Variants in ATP11C observed in about 807,000 individuals in gnomAD.
The protein encoded by ATP11C is ATPase phospholipid transporting 11C (ATP11C blood group).
Under a neutral mutation model 97.4 loss-of-function variants are expected in ATP11C, and 36 were observed. The ratio of observed to expected loss-of-function variants is 0.37; its 90% CI spans 0.28 to 0.49. The LOEUF (loss-of-function observed/expected upper bound fraction) is 0.49, where lower values mean the gene tolerates loss of function less well. Among genes scored for constraint, ATP11C ranks in the 20% least tolerant of loss-of-function variants. The probability of loss-of-function intolerance (pLI) is 0.98; values close to 1 mark genes in which losing one functional copy is unlikely to be tolerated. For missense variants in ATP11C, 730 were observed against 824.6 expected (o/e 0.89, Z 1.40); for synonymous variants, 275 against 290.9 (o/e 0.95, Z 0.56).
At chrX:139,874,832 G>A (rs2084442287) in intron 1 of ATP11C, among the ~76,000 whole-genome samples, 1 of 112,065 alleles carries the variant, frequency 8.9e-6, no homozygotes, top group South Asian at 3.7e-4. Flanking sequence ...TAAAATGAAT[G>A]AAATCTGCTC....
chrX:139,835,549 C>T (rs1044810907), intron 1 of ATP11C, among the ~76,000 whole-genome samples: 4 of 109,258 alleles, frequency 3.7e-5, no homozygotes, highest in African/African-American at 1.0e-4. Flanking sequence ...GGATTACAGG[C>T]GCCCACTACC....
intron 1 of ATP11C, among the ~76,000 whole-genome samples, chrX:139,852,471 G>C (rs866261580): frequency 1.6e-4 from 4 of 24,614 alleles, no homozygotes; most frequent in South Asian, 4.2e-3. Context: ...GGGGGGGGGG[G>C]GGGGGGGGGG....
rs140676415 is a variant in ATP11C, at chrX:139,888,075, A to T, written c.27+43941T>A. ...ACTGGGAAAAACATTTGCAAAACAC[A>T]TATCTGATAAAGGACCAGTAGCCAG... is the stretch of plus-strand genomic sequence containing the variant. On this transcript the variant is annotated intron_variant, in intron 1 of 29. Transcript: ENST00000682941. Among the ~76,000 whole-genome samples the T allele has an allele frequency of 5.6e-3, 623 of 111,227 alleles. 12 individuals carry two copies. The highest frequency in any genetic ancestry group is 0.019 in the African/African-American group (573 of 30,638).
chrX:139,798,625 T>C, intron 9 of ATP11C, 54 bp downstream of exon 9: 1 of 968,683 alleles, frequency 1.0e-6, no homozygotes, highest in South Asian at 2.1e-5. Flanking sequence ...CACTATTTAT[T>C]CACAGCCTTT....
Position 139,819,335 on chromosome X carries a change from T to C in ATP11C, c.237+3A>G. ...GTTAAGTGGCTGTTTAAGGAGCTCT[T>C]ACCTGTACAAGGAAGATTATGAGAA... On this transcript the variant is annotated splice_donor_region_variant and intron_variant, in intron 3 of 29. Transcript: ENST00000682941. 4.0e-6 allele frequency: 4 copies of C among 1,010,766 alleles called. No homozygotes were observed. The highest frequency in any genetic ancestry group is 5.3e-6 in the Non-Finnish European group (4 of 751,409). 83.3% of individuals were successfully genotyped at this position (1,010,766 alleles called of 1,213,427 possible).
chrX:139,916,395 G>C (rs961176283), intron 1 of ATP11C, among the ~76,000 whole-genome samples: 1 of 111,459 alleles, frequency 9.0e-6, no homozygotes, highest in African/African-American at 3.3e-5. Context: ...TGAGGCATTA[G>C]GGATATAGCA....
At chrX:139,858,920 C>G (rs925483285) in intron 1 of ATP11C, among the ~76,000 whole-genome samples, 1 of 112,320 alleles carries the variant, frequency 8.9e-6, no homozygotes, top group African/African-American at 3.2e-5. Flanking sequence ...CAATCTAACT[C>G]TAAAACACTT....
chrX:139,870,240 TAA>T (rs936368156), intron 1 of ATP11C, among the ~76,000 whole-genome samples: 3 of 112,173 alleles, frequency 2.7e-5, no homozygotes, highest in East Asian at 2.8e-4. Flanking sequence ...AAAAATTTTT[TAA>T]AAGAGTACCT....
intron 19 of ATP11C, 59 bp downstream of exon 19, chrX:139,774,631 C>A: frequency 9.8e-7 from 1 of 1,023,537 alleles, no homozygotes; most frequent in Non-Finnish European, 1.3e-6. Context: ...TTTGTATATG[C>A]AGCTGTGATT....
Position 139,740,918 on chromosome X carries a change from T to G in ATP11C, c.3134+73A>C, listed in dbSNP as rs2081541432. 7 of 596,865 alleles carry G rather than the reference T, an allele frequency of 1.2e-5. No homozygotes were observed. The South Asian group carries it at 2.1e-4, about 18-fold the overall frequency. 49.2% of individuals were successfully genotyped at this position (596,865 alleles called of 1,213,427 possible). On this transcript the variant is annotated intron_variant, in intron 27 of 29. Coordinates refer to ENST00000682941, the MANE Select transcript of ATP11C (RefSeq NM_001353812.2). ...AAATTTTTAAAGTATAATGAATGCTTACATATATAGTGTACATACACATGT... is the reference window on the plus strand; with the variant it reads ...AAATTTTTAAAGTATAATGAATGCTGACATATATAGTGTACATACACATGT...
rs575878931 is a variant in ATP11C at position 139,916,450 on chromosome X, T to C, written c.27+15566A>G. On this transcript the variant is annotated intron_variant, in intron 1 of 29. Transcript: ENST00000682941. ...GGTCTTACCTTCATGGAGCATACTA[T>C]ATAGAGGAAATCTAGACACTAAGTA... 3.4e-3 allele frequency among the ~76,000 whole-genome samples: 382 copies of C among 111,205 alleles called. 3 individuals carry two copies. Among genetic ancestry groups the C allele is most frequent in the African/African-American group, 0.012 (360 of 30,661 alleles).
At chrX:139,899,070 AG>A (rs1316337541) in intron 1 of ATP11C, among the ~76,000 whole-genome samples, 1 of 111,839 alleles carries the variant, frequency 8.9e-6, no homozygotes, top group African/African-American at 3.2e-5. Context: ...ATCCCAGTTG[AG>A]GGACATTCTA....
chrX:139,768,145 A>G, intron 20 of ATP11C, 115 bp downstream of exon 20: 1 of 512,805 alleles, frequency 2.0e-6, no homozygotes, highest in Non-Finnish European at 2.8e-6. Flanking sequence ...GGAGGAAGAA[A>G]TTAGATAGTA....
intron 7 of ATP11C, among the ~76,000 whole-genome samples, chrX:139,800,344 A>G (rs969857782): frequency 8.9e-6 from 1 of 112,316 alleles, no homozygotes; most frequent in Admixed American, 9.4e-5. Context: ...GAGCAGAAAC[A>G]AAGGTTCTCA....
At chrX:139,860,620 C>A (rs189900928) in intron 1 of ATP11C, among the ~76,000 whole-genome samples, 4 of 111,312 alleles carry the variant, frequency 3.6e-5, no homozygotes, top group African/African-American at 1.3e-4. Flanking sequence ...AAGTTCGAGA[C>A]CAGCCTGGCC....
chrX:139,768,270 T>C lies in ATP11C; in HGVS notation c.2381A>G (p.Gln794Arg). Residue 794 changes from glutamine (Q) to arginine (R), a missense_variant, in exon 20 of 30, where the codon CAG (glutamine) becomes CGG (arginine). Coordinates refer to ENST00000682941, the MANE Select transcript of ATP11C (RefSeq NM_001353812.2). ...AVLCCRMAPL[Q>R]KAQIVRMVKN... Reference sequence around the variant, plus strand: ...AATATTCACAGTTACCTGGGCTTTCTGTAATGGTGCCATCCGACAGCAGAG... The same window carrying C: ...AATATTCACAGTTACCTGGGCTTTCCGTAATGGTGCCATCCGACAGCAGAG... 9.1e-7 allele frequency: 1 copy of C among 1,101,222 alleles called. No homozygotes were observed. The highest frequency in any genetic ancestry group is 2.8e-5 in the Admixed American group (1 of 35,562). 90.8% of individuals were successfully genotyped at this position (1,101,222 alleles called of 1,213,427 possible).
At chrX:139,766,548 G>A (rs1213434379) in intron 20 of ATP11C, among the ~76,000 whole-genome samples, 1 of 111,730 alleles carries the variant, frequency 9.0e-6, no homozygotes, top group African/African-American at 3.3e-5. Context: ...CTGAGAGCTA[G>A]AAGGCAGACA....
chrX:139,925,326 C>T lies in ATP11C; in HGVS notation c.27+6690G>A, dbSNP rs190637475. 2.7e-5 allele frequency among the ~76,000 whole-genome samples: 3 copies of T among 111,733 alleles called. No individual in the cohort carries two copies. The East Asian group carries it at 8.5e-4, about 32-fold the overall frequency. ...TTGAGATGGAGTTTTGCTCTTGTTG[C>T]CCAGGCTGGAGTGCAATGGCACGAT... is the stretch of plus-strand genomic sequence containing the variant. On this transcript the variant is annotated intron_variant, in intron 1 of 29. Transcript: ENST00000682941.
chrX:139,874,136 A>G (rs2084425684), intron 1 of ATP11C, among the ~76,000 whole-genome samples: 1 of 105,626 alleles, frequency 9.5e-6, no homozygotes, highest in Admixed American at 1.0e-4. Flanking sequence ...TCCGTCTCCC[A>G]GGCTCAAGCA....
Sources: gnomAD v4.1 joint callset for allele counts (sites outside exome capture counted in the v4.1 genomes callset) on GRCh38, gnomAD v4.1.1 for gene constraint, MANE v1.5 for transcripts, NCBI Gene and HGNC (gene_info 2026-07-23, HGNC 2026-07-21) for gene names.